Variants in IGF1R observed in about 807,000 individuals in gnomAD.
The protein encoded by IGF1R is insulin-like growth factor 1 receptor.
IGF1R carries 44 observed loss-of-function variants against 144.6 expected under a neutral mutation model. The ratio of observed to expected loss-of-function variants is 0.30; its 90% confidence interval spans 0.24 to 0.39. The LOEUF (loss-of-function observed/expected upper bound fraction) is 0.39, where lower values mean the gene tolerates loss of function less well. IGF1R is among the 10% of genes least tolerant of loss of function. IGF1R has a pLI of 1.00. For synonymous variants in IGF1R, 795 were observed against 722.8 expected, an observed-to-expected ratio of 1.10 and a Z score of -1.60; for missense variants, 1,355 against 1,833.7, an observed-to-expected ratio of 0.74 and a Z score of 4.77.
intron 1 of IGF1R, among the ~76,000 whole-genome samples, chr15:98,652,492 C>G (rs1003071473): frequency 1.3e-5 from 2 of 152,080 alleles, no homozygotes; most frequent in African/African-American, 4.8e-5. Flanking sequence ...ACATAGCAAG[C>G]AAATGGTGTT....
At chr15:98,825,725 C>T (rs768786412) in intron 2 of IGF1R, among the ~76,000 whole-genome samples, 2 of 152,204 alleles carry the variant, frequency 1.3e-5, no homozygotes, top group African/African-American at 2.4e-5. Flanking sequence ...CTGTAGATTA[C>T]TTATAACACC....
chr15:98,688,860 T>TA (rs1184830756), intron 1 of IGF1R, among the ~76,000 whole-genome samples: 1 of 152,072 alleles, frequency 6.6e-6, no homozygotes, highest in Non-Finnish European at 1.5e-5. Context: ...ACCTAAAAAA[T>TA]AAACCTTGAT....
chr15:98,766,280 A>G (rs1306286893), intron 2 of IGF1R, among the ~76,000 whole-genome samples: 1 of 152,238 alleles, frequency 6.6e-6, no homozygotes, highest in East Asian at 1.9e-4. Flanking sequence ...ATATAAATCC[A>G]TAAGGTTTTT....
chr15:98,798,130 C>T (rs999928614), intron 2 of IGF1R, among the ~76,000 whole-genome samples: 12 of 152,182 alleles, frequency 7.9e-5, no homozygotes, highest in Non-Finnish European at 1.5e-4. Flanking sequence ...CAAAATGAGG[C>T]CTCTGCCTCT....
At chr15:98,708,172 C>A in intron 2 of IGF1R, 65 bp downstream of exon 2, 1 of 1,388,848 alleles carries the variant, frequency 7.2e-7, no homozygotes, top group Non-Finnish European at 1.0e-6. Flanking sequence ...TCCTTGACCT[C>A]CCTTCTCTTC....
intron 2 of IGF1R, among the ~76,000 whole-genome samples, chr15:98,820,065 G>C (rs892868238): frequency 6.6e-6 from 1 of 152,182 alleles, no homozygotes; most frequent in Non-Finnish European, 1.5e-5. Flanking sequence ...ACCACACTTT[G>C]AGAACTAAAG....
At position 98,964,400 on chromosome 15, in the gene IGF1R, C is replaced by G. The variant is rs1038942104; in HGVS notation, c.*6958C>G. The G allele has an allele frequency of 4.3e-6, 1 of 230,022 alleles. No individual in the cohort carries two copies. The highest frequency in any genetic ancestry group is 2.2e-5 in the African/African-American group (1 of 45,148). 14.2% of individuals were successfully genotyped at this position (230,022 alleles called of 1,614,324 possible). ...CTGTTATTGCGATATACTCTGGATT[C>G]TTTACATAATGGAAAAAAGAAACTG... On this transcript the variant is annotated 3_prime_UTR_variant, in exon 21 of 21. Coordinates refer to ENST00000650285, the MANE Select transcript of IGF1R (RefSeq NM_000875.5).
At chr15:98,767,037 C>T (rs28539990) in intron 2 of IGF1R, among the ~76,000 whole-genome samples, 3,081 of 152,240 alleles carry the variant, frequency 0.02, 93 homozygotes, top group African/African-American at 0.071. Flanking sequence ...TAATTGCCTA[C>T]TCGCCCAGTG....
intron 3 of IGF1R, among the ~76,000 whole-genome samples, chr15:98,893,012 C>CA (rs979449704): frequency 4.3e-4 from 65 of 151,892 alleles, no homozygotes; most frequent in Admixed American, 9.8e-4. Flanking sequence ...GACCCTGTCT[C>CA]AAAAAAAAGA....
At chr15:98,920,679 C>G (rs1291692091) in intron 10 of IGF1R, among the ~76,000 whole-genome samples, 1 of 152,162 alleles carries the variant, frequency 6.6e-6, no homozygotes, top group East Asian at 1.9e-4. Flanking sequence ...CCTTACCCTT[C>G]CTCCCCCAGT....
At chr15:98,670,839 A>G (rs1423361078) in intron 1 of IGF1R, among the ~76,000 whole-genome samples, 1 of 152,212 alleles carries the variant, frequency 6.6e-6, no homozygotes, top group Non-Finnish European at 1.5e-5. Context: ...CAATCAACAT[A>G]CATTTTTAAA....
At chr15:98,728,616 C>T (rs1221883073) in intron 2 of IGF1R, among the ~76,000 whole-genome samples, 5 of 152,240 alleles carry the variant, frequency 3.3e-5, no homozygotes, top group Non-Finnish European at 5.9e-5. Context: ...ATGTTCTGAG[C>T]CATTGTGAAC....
intron 2 of IGF1R, among the ~76,000 whole-genome samples, chr15:98,839,309 G>A (rs183053731): frequency 4.0e-3 from 606 of 152,272 alleles, no homozygotes; most frequent in Non-Finnish European, 7.0e-3. Flanking sequence ...GGTTTGAACC[G>A]AAATCAGTGT....
chr15:98,724,047 G>C lies in IGF1R; in HGVS notation c.640+15940G>C, dbSNP rs542359315. On this transcript the variant is annotated intron_variant, in intron 2 of 20. Transcript: ENST00000650285. ...TAATTGTATCAGCAATTAATATTTTGAGAAAATGGAAATAATTAAATTTAC... is the reference window on the plus strand; with the variant it reads ...TAATTGTATCAGCAATTAATATTTTCAGAAAATGGAAATAATTAAATTTAC... Among the ~76,000 whole-genome samples, 4 of 152,262 alleles carry C rather than the reference G, an allele frequency of 2.6e-5. No homozygotes were observed. In the South Asian group the frequency reaches 8.3e-4, roughly 32 times the overall value.
chr15:98,946,431 G>A (rs546213358), intron 19 of IGF1R, among the ~76,000 whole-genome samples: 66 of 152,252 alleles, frequency 4.3e-4, no homozygotes, highest in Admixed American at 1.7e-3. Flanking sequence ...CTTGTTAGCC[G>A]GAGTATACAG....
At chr15:98,948,077 C>G (rs960908046) in intron 19 of IGF1R, among the ~76,000 whole-genome samples, 12 of 152,146 alleles carry the variant, frequency 7.9e-5, no homozygotes, top group African/African-American at 2.9e-4. Context: ...TAGAGGTTTC[C>G]AAAATTGTCT....
At chr15:98,806,960 A>C (rs1002789742) in intron 2 of IGF1R, among the ~76,000 whole-genome samples, 2 of 152,198 alleles carry the variant, frequency 1.3e-5, no homozygotes, top group African/African-American at 4.8e-5. Flanking sequence ...CAGGAGTTCA[A>C]GACCAACCTG....
chr15:98,911,572 C>T, intron 7 of IGF1R, 131 bp downstream of exon 7: 1 of 1,170,448 alleles, frequency 8.5e-7, no homozygotes, highest in Non-Finnish European at 1.3e-6. Context: ...CCACGCCAAA[C>T]ATCCCTACTT....
intron 2 of IGF1R, among the ~76,000 whole-genome samples, chr15:98,836,301 G>A (rs2057100051): frequency 6.6e-6 from 1 of 151,792 alleles, no homozygotes; most frequent in Admixed American, 6.6e-5. Flanking sequence ...GGGAAACCAA[G>A]ACAAATCTCT....
Sources: gnomAD v4.1 joint callset for allele counts (sites outside exome capture counted in the v4.1 genomes callset) on GRCh38, gnomAD v4.1.1 for gene constraint, MANE v1.5 for transcripts, NCBI Gene and HGNC (gene_info 2026-07-23, HGNC 2026-07-21) for gene names.